CSMD1: variants seen among roughly 807,000 people sequenced by gnomAD.
CSMD1 encodes the protein CUB and Sushi multiple domains 1.
CSMD1 carries 213 observed loss-of-function variants against 417.5 expected under a neutral mutation model. The ratio of observed to expected loss-of-function variants is 0.51; its 90% CI spans 0.46 to 0.57. The LOEUF is 0.57. CSMD1 is among the 20% of genes least tolerant of loss of function. The pLI, the probability that CSMD1 is intolerant of heterozygous loss-of-function variation, is 0.00. For synonymous variants in CSMD1, 2,862 were observed against 1,736.8 expected (o/e 1.65, Z -16.11); for missense variants, 6,923 against 4,529.7 (o/e 1.53, Z -15.17).
intron 2 of CSMD1, among the ~76,000 whole-genome samples, chr8:4,420,912 C>T (rs146981853): frequency 6.6e-6 from 1 of 152,180 alleles, no homozygotes; most frequent in Admixed American, 6.6e-5. Context: ...AGCCCTCCTC[C>T]CTCCCTGTCT....
chr8:4,531,771 C>T (rs1796828673), intron 2 of CSMD1, among the ~76,000 whole-genome samples: 2 of 152,164 alleles, frequency 1.3e-5, no homozygotes, highest in Admixed American at 6.5e-5. Context: ...CAATCTGGTG[C>T]TTTTTAGTAT....
intron 26 of CSMD1, among the ~76,000 whole-genome samples, chr8:3,262,220 T>C (rs1474535791): frequency 1.8e-5 from 2 of 111,832 alleles, no homozygotes; most frequent in Admixed American, 8.9e-5. Context: ...TATATATATA[T>C]ATATATATAT....
At chr8:4,165,599 C>A (rs922406110) in intron 3 of CSMD1, among the ~76,000 whole-genome samples, 11 of 152,260 alleles carry the variant, frequency 7.2e-5, no homozygotes, top group Admixed American at 2.0e-4. Context: ...GACATGGTCT[C>A]ACTATGTTGC....
intron 3 of CSMD1, among the ~76,000 whole-genome samples, chr8:4,378,783 C>G (rs577309171): frequency 3.3e-4 from 50 of 152,252 alleles, no homozygotes; most frequent in African/African-American, 1.2e-3. Flanking sequence ...AATGGGATTA[C>G]TGCCCTTGTA....
At chr8:4,385,919 C>T (rs1803418015) in intron 3 of CSMD1, among the ~76,000 whole-genome samples, 1 of 152,098 alleles carries the variant, frequency 6.6e-6, no homozygotes, top group African/African-American at 2.4e-5. Context: ...CCAGGAATTC[C>T]AGAGTTTCTC....
At position 3,325,251 on chromosome 8, in the gene CSMD1, C is replaced by A. The variant is rs544212118; in HGVS notation, c.3632-16748G>T. ...ACAAATGAACCTTGCAAATGCAATG[C>A]ATCCATGACTGACTAATACAATCAC... On this transcript the variant is annotated intron_variant, in intron 23 of 69. Coordinates refer to ENST00000635120, the MANE Select transcript of CSMD1 (RefSeq NM_033225.6). Among the ~76,000 whole-genome samples the A allele has an allele frequency of 3.3e-5, 5 of 152,330 alleles. No individual in the cohort carries two copies. In the East Asian group the frequency reaches 9.7e-4, roughly 29 times the overall value.
At chr8:3,746,844 G>T (rs1282616092) in intron 6 of CSMD1, among the ~76,000 whole-genome samples, 6 of 152,078 alleles carry the variant, frequency 3.9e-5, no homozygotes, top group East Asian at 1.9e-4. Context: ...TTTGATGAAG[G>T]TCAATAGGGT....
chr8:3,839,016 A>C (rs1310499054), intron 5 of CSMD1, among the ~76,000 whole-genome samples: 1 of 127,484 alleles, frequency 7.8e-6, no homozygotes, highest in Non-Finnish European at 1.6e-5. Context: ...ATATATTTAT[A>C]TGTTGATATT....
intron 62 of CSMD1, among the ~76,000 whole-genome samples, chr8:2,959,244 C>T (rs1803264263): frequency 6.6e-6 from 1 of 152,212 alleles, no homozygotes; most frequent in Non-Finnish European, 1.5e-5. Context: ...GCTGTGACAA[C>T]AGGTGCACCT....
Position 4,289,323 on chromosome 8 carries a change from A to G in CSMD1, c.415+130630T>C, listed in dbSNP as rs187027677. On this transcript the variant is annotated intron_variant, in intron 3 of 69. Coordinates refer to ENST00000635120, the MANE Select transcript of CSMD1 (RefSeq NM_033225.6). ...ATTATATATGAGATTGCTATCACGT[A>G]ACTCCCATACATTTAAAATACATTT... is the stretch of plus-strand genomic sequence containing the variant. Among the ~76,000 whole-genome samples the G allele has an allele frequency of 1.0e-3, 158 of 152,362 alleles. 1 individual carries two copies. Among genetic ancestry groups the G allele is most frequent in the Non-Finnish European group, 1.9e-3 (129 of 68,036 alleles).
chr8:3,277,517 G>A (rs575863533), intron 26 of CSMD1, among the ~76,000 whole-genome samples: 4 of 152,104 alleles, frequency 2.6e-5, no homozygotes, highest in Non-Finnish European at 5.9e-5. Context: ...TGGATTCTCT[G>A]TGTGGTGTGA....
chr8:4,722,702 T>C (rs531485040), intron 1 of CSMD1, among the ~76,000 whole-genome samples: 4 of 152,286 alleles, frequency 2.6e-5, no homozygotes, highest in African/African-American at 7.2e-5. Flanking sequence ...CTAATTTGAA[T>C]ATGATGTCAG....
chr8:4,376,631 T>C (rs577042076), intron 3 of CSMD1, among the ~76,000 whole-genome samples: 1 of 152,330 alleles, frequency 6.6e-6, no homozygotes, highest in East Asian at 1.9e-4. Flanking sequence ...AATATTTCTT[T>C]TCAGAAGGGT....
At chr8:4,626,195 G>C (rs1279459425) in intron 2 of CSMD1, among the ~76,000 whole-genome samples, 1 of 152,116 alleles carries the variant, frequency 6.6e-6, no homozygotes, top group Non-Finnish European at 1.5e-5. Flanking sequence ...CTTTAGCTCA[G>C]TTTTCCTCTT....
intron 6 of CSMD1, among the ~76,000 whole-genome samples, chr8:3,748,154 C>G (rs1797149642): frequency 6.6e-6 from 1 of 152,116 alleles, no homozygotes; most frequent in Admixed American, 6.5e-5. Flanking sequence ...GCCATTGAGA[C>G]TTTACAAGAA....
At chr8:4,796,217 G>A (rs1023267553) in intron 1 of CSMD1, among the ~76,000 whole-genome samples, 1 of 151,876 alleles carries the variant, frequency 6.6e-6, no homozygotes, top group African/African-American at 2.4e-5. Flanking sequence ...GCATCTAGTT[G>A]CTCCAAAAGC....
chr8:4,629,502 C>A (rs1345060054), intron 2 of CSMD1, among the ~76,000 whole-genome samples: 1 of 152,092 alleles, frequency 6.6e-6, no homozygotes, highest in Non-Finnish European at 1.5e-5. Context: ...AGAAGTGCAT[C>A]TTACAAATTA....
chr8:3,203,915 G>A (rs1213882812), intron 31 of CSMD1, among the ~76,000 whole-genome samples: 1 of 152,202 alleles, frequency 6.6e-6, no homozygotes, highest in East Asian at 1.9e-4. Flanking sequence ...ACCCCGTAGT[G>A]TCTGGATTGC....
intron 4 of CSMD1, among the ~76,000 whole-genome samples, chr8:4,025,977 G>A (rs567320553): frequency 6.7e-6 from 1 of 148,788 alleles, no homozygotes; most frequent in Admixed American, 6.7e-5. Context: ...GATCATTGTA[G>A]AAGGAGACAG....
Sources: gnomAD v4.1 joint callset for allele counts (sites outside exome capture counted in the v4.1 genomes callset) on GRCh38, gnomAD v4.1.1 for gene constraint, MANE v1.5 for transcripts, NCBI Gene and HGNC (gene_info 2026-07-23, HGNC 2026-07-21) for gene names.